The following USP20 variants were observed in gnomAD, a reference collection of about 807,000 sequenced individuals.
The protein encoded by USP20 is ubiquitin specific peptidase 20.
In USP20, 80 loss-of-function variants were observed where a neutral mutation model predicts 124.2. The observed-to-expected ratio is 0.64, with a 90% CI of 0.54 to 0.78. The LOEUF is 0.78. USP20 is among the 30% of genes least tolerant of loss of function. The probability of loss-of-function intolerance (pLI) is 0.00; values close to 1 mark genes in which losing one functional copy is unlikely to be tolerated. For synonymous variants in USP20, 481 were observed against 512.3 expected (o/e 0.94, Z 0.83); for missense variants, 1,043 against 1,244.4 (o/e 0.84, Z 2.44).
intron 10 of USP20, among the ~76,000 whole-genome samples, chr9:129,866,904 C>T (rs570764064): frequency 6.6e-6 from 1 of 152,206 alleles, no homozygotes; most frequent in African/African-American, 2.4e-5. Context: ...CTCCCTGATG[C>T]AATGTAACCT....
Position 129,856,336 on chromosome 9 carries a change from A to C in USP20, c.111A>C (p.Gly37=). Residue 37 remains glycine (G), a synonymous_variant, in exon 4 of 26, where the codon GGA becomes GGC. Transcript: ENST00000372429. ...CCTGTCAGTCGTGTGGGGTCACCGG[A>C]CCAAACCTATGGGCCTGTCTGCAGG... ...KGTCQSCGVT[G]PNLWACLQVA... The C allele has an allele frequency of 6.2e-7, 1 of 1,614,150 alleles. No homozygotes were observed. Among genetic ancestry groups the C allele is most frequent in the Non-Finnish European group, 8.5e-7 (1 of 1,180,022 alleles).
chr9:129,868,247 G>T lies in USP20; in HGVS notation c.933G>T (p.Leu311=). The T allele has an allele frequency of 6.2e-7, 1 of 1,614,018 alleles. No individual in the cohort carries two copies. The highest frequency in any genetic ancestry group is 1.3e-5 in the African/African-American group (1 of 75,050). Residue 311 remains leucine (L), a synonymous_variant, in exon 11 of 26, where the codon CTG becomes CTT. Transcript: ENST00000372429. Reference sequence around the variant, plus strand: ...GCAGCTCGCAGGCCGAGACGGAGCTGCTGATCCCAGATGAGGCGGGCCGAG... The same window carrying T: ...GCAGCTCGCAGGCCGAGACGGAGCTTCTGATCCCAGATGAGGCGGGCCGAG... The part of the protein sequence containing the change: ...GGGSSQAETE[L]LIPDEAGRAI...
At chr9:129,856,015 T>C (rs112950324) in intron 3 of USP20, among the ~76,000 whole-genome samples, 48 of 152,362 alleles carry the variant, frequency 3.2e-4, no homozygotes, top group African/African-American at 1.0e-3. Context: ...GTCTCTTACA[T>C]GATTTTATTT....
chr9:129,856,016 G>A (rs1167198110), intron 3 of USP20, among the ~76,000 whole-genome samples: 1 of 152,194 alleles, frequency 6.6e-6, no homozygotes, highest in African/African-American at 2.4e-5. Context: ...TCTCTTACAT[G>A]ATTTTATTTT....
Position 129,868,389 on chromosome 9 carries a change from G to A in USP20, c.1075G>A (p.Asp359Asn). 1 of 1,060,332 alleles carries A rather than the reference G, an allele frequency of 9.4e-7. No individual in the cohort carries two copies. The highest frequency in any genetic ancestry group is 3.2e-5 in the African/African-American group (1 of 31,272). The allele number at this position is 1,060,332 out of a possible 1,614,324, so 65.7% of individuals were successfully genotyped here. A position where few individuals can be genotyped will look rare whatever the true frequency, so the allele number is the denominator to read the frequency against. Reference protein sequence around the residue: ...DVDTAMAALDDQPAEAQPPSP... With the variant: ...DVDTAMAALDNQPAEAQPPSP... Reference sequence around the variant, plus strand: ...GGACACTGCCATGGCTGCCCTTGACGACCAGCCCGCGGAGGCCCAGCCCCC... The same window carrying A: ...GGACACTGCCATGGCTGCCCTTGACAACCAGCCCGCGGAGGCCCAGCCCCC... The change falls in exon 11 of 26, where the codon GAC becomes AAC. Residue 359 changes from aspartate (D) to asparagine (N), a missense_variant. Asp to Asn is a conservative substitution (Grantham distance 23, BLOSUM62 1). Transcript: ENST00000372429.
chr9:129,875,460 C>G lies in USP20; in HGVS notation c.2199C>G (p.Thr733=). 2 of 1,613,376 alleles carry G rather than the reference C, an allele frequency of 1.2e-6. No homozygotes were observed. The highest frequency in any genetic ancestry group is 1.7e-6 in the Non-Finnish European group (2 of 1,179,704). Residue 733 remains threonine, a synonymous_variant, in exon 20 of 26, where the codon ACC becomes ACG. Transcript: ENST00000372429. ...AGCCAGGCCCCATCACCAACCAGAC[C>G]TTCCTCTGCTCCCACGGAGGTGAGG... ...FAEPGPITNQ[T]FLCSHGGIPP... is the part of the protein sequence containing the mutation.
At chr9:129,861,072 C>G (rs1192459983) in intron 7 of USP20, 39 bp downstream of exon 7, 6 of 1,587,718 alleles carry the variant, frequency 3.8e-6, no homozygotes, top group Non-Finnish European at 5.2e-6. Context: ...ATGGGCTGGG[C>G]TGGGGGCCCT....
At position 129,875,609 on chromosome 9, in the gene USP20, G is replaced by GC; in HGVS notation, c.2272dup (p.Gln758ProfsTer87). On this transcript the variant is annotated frameshift_variant, in exon 21 of 26. Coordinates refer to ENST00000372429, the MANE Select transcript of USP20 (RefSeq NM_001110303.4). LOFTEE classifies it high-confidence loss of function. ...ACATCGACGACCTGGTGGTCATCCTGCCCCAGAACGTCTGGGAGCACCTGT... is the reference window on the plus strand; with the variant it reads ...ACATCGACGACCTGGTGGTCATCCTGCCCCCAGAACGTCTGGGAGCACCTGT... 1 of 1,614,032 alleles carries GC rather than the reference G, an allele frequency of 6.2e-7. No individual in the cohort carries two copies. Among genetic ancestry groups the GC allele is most frequent in the Admixed American group, 1.7e-5 (1 of 60,018 alleles).
intron 15 of USP20, among the ~76,000 whole-genome samples, chr9:129,871,678 G>T (rs953434998): frequency 2.6e-5 from 4 of 152,120 alleles, no homozygotes; most frequent in African/African-American, 9.7e-5. Context: ...TCAACCTCAT[G>T]GGTATGAGGT....
chr9:129,864,868 T>C (rs560581163), intron 9 of USP20, among the ~76,000 whole-genome samples: 37 of 152,134 alleles, frequency 2.4e-4, no homozygotes, highest in African/African-American at 8.9e-4. Context: ...TTTTTGTATA[T>C]GCATCTGTAG....
chr9:129,856,370 C>A lies in USP20; in HGVS notation c.135+10C>A. ...ATGGGCCTGTCTGCAGGTAAAAGAC[C>A]CTTGTGGCCATCAGGGGTGTAGAGC... is the stretch of plus-strand genomic sequence containing the variant. On this transcript the variant is annotated intron_variant, in intron 4 of 25. Transcript: ENST00000372429. 1.2e-6 allele frequency: 2 copies of A among 1,614,062 alleles called. No individual in the cohort carries two copies. Among genetic ancestry groups the A allele is most frequent in the Non-Finnish European group, 1.7e-6 (2 of 1,179,962 alleles).
At chr9:129,862,862 C>T (rs887504411) in intron 8 of USP20, among the ~76,000 whole-genome samples, 2 of 151,908 alleles carry the variant, frequency 1.3e-5, no homozygotes, top group African/African-American at 4.8e-5. Flanking sequence ...ACCAAGATTG[C>T]ACCACTGGAC....
In USP20 at chr9:129,865,208, C is replaced by T. The variant is rs1319109292; in HGVS notation, c.612-95C>T. Reference sequence around the variant, plus strand: ...TCCCCAAATGTCAGGAAACGCCACACTCTGATCCAGCCTGACGGGCTGGCT... The same window carrying T: ...TCCCCAAATGTCAGGAAACGCCACATTCTGATCCAGCCTGACGGGCTGGCT... On this transcript the variant is annotated intron_variant, in intron 9 of 25. Transcript: ENST00000372429. The T allele has an allele frequency of 6.5e-6, 9 of 1,378,594 alleles. No homozygotes were observed. The South Asian group carries it at 8.3e-5, about 13-fold the overall frequency. The allele number at this position is 1,378,594 out of a possible 1,614,324, so 85.4% of individuals were successfully genotyped here. A position where few individuals can be genotyped will look rare whatever the true frequency, so the allele number is the denominator to read the frequency against.
rs1462948657 is a variant in USP20, at chr9:129,873,513, G to C, written c.1692G>C (p.Lys564Asn). The part of the protein sequence containing the change: ...GDNMYSCERC[K>N]KLRNGVKYCK... ...ACATGTACAGCTGTGAGCGGTGTAAGAAGTAAGTGAGCCTTCCCCCGCCTT... is the reference window on the plus strand; with the variant it reads ...ACATGTACAGCTGTGAGCGGTGTAACAAGTAAGTGAGCCTTCCCCCGCCTT... Residue 564 changes from lysine (K) to asparagine (N), a missense_variant and splice_region_variant, in exon 16 of 26, where the codon AAG becomes AAC. By Grantham distance (94) the Lys-to-Asn change is moderately conservative. Coordinates refer to ENST00000372429, the MANE Select transcript of USP20 (RefSeq NM_001110303.4). 1.2e-6 allele frequency: 2 copies of C among 1,614,068 alleles called. No individual in the cohort carries two copies. Among genetic ancestry groups the C allele is most frequent in the African/African-American group, 1.3e-5 (1 of 74,928 alleles).
rs754300902 is a variant in USP20, at chr9:129,865,358, A to G, written c.667A>G (p.Met223Val). Residue 223 changes from methionine (M) to valine (V), a missense_variant, in exon 10 of 26, where the codon ATG (methionine) becomes GTG (valine). Met to Val is a conservative substitution (Grantham distance 21). Coordinates refer to ENST00000372429, the MANE Select transcript of USP20 (RefSeq NM_001110303.4). The part of the protein sequence containing the change: ...LSHGIKLVNP[M>V]FRGYAQQDTQ... ...TCATGGGATCAAGTTGGTCAACCCA[A>G]TGTTCCGAGGCTATGCCCAGCAGGT... 20 of 1,614,014 alleles carry G rather than the reference A, an allele frequency of 1.2e-5. No homozygotes were observed. Among genetic ancestry groups the G allele is most frequent in the Middle Eastern group, 1.6e-4 (1 of 6,084 alleles).
rs1255122544 is a variant in USP20 at position 129,852,681 on chromosome 9, G to T, written c.81+45G>T. 9 of 1,541,514 alleles carry T rather than the reference G, an allele frequency of 5.8e-6. No homozygotes were observed. The Admixed American group carries it at 7.8e-5, about 13-fold the overall frequency. The stretch of plus-strand genomic sequence containing the variant: ...GGGGCCAGGGCCCACACCCAGGGCT[G>T]CCTCTTTCCTGGGGTGTGGACATTT... On this transcript the variant is annotated intron_variant, in intron 3 of 25. Transcript: ENST00000372429.
At chr9:129,853,597 T>G (rs953158727) in intron 3 of USP20, among the ~76,000 whole-genome samples, 9 of 152,232 alleles carry the variant, frequency 5.9e-5, no homozygotes, top group African/African-American at 9.6e-5. Flanking sequence ...CAGCAGGTCC[T>G]TGGTGGCCTT....
intron 7 of USP20, among the ~76,000 whole-genome samples, chr9:129,861,303 C>G (rs2033534842): frequency 6.6e-6 from 1 of 152,170 alleles, no homozygotes; most frequent in African/African-American, 2.4e-5. Flanking sequence ...GACAGTGGGC[C>G]TGGCTGGGCG....
chr9:129,846,665 C>T (rs1383716759), intron 1 of USP20, among the ~76,000 whole-genome samples: 4 of 150,806 alleles, frequency 2.7e-5, no homozygotes, highest in African/African-American at 9.8e-5. Flanking sequence ...CTCTTGTCAC[C>T]CAGGCCGGAG....
Sources: allele counts gnomAD v4.1 joint callset (sites outside exome capture counted in the v4.1 genomes callset), GRCh38; gene constraint gnomAD v4.1.1; transcripts MANE v1.5; gene names NCBI Gene and HGNC (gene_info 2026-07-23, HGNC 2026-07-21).